SPTLC2: variants seen among roughly 807,000 people sequenced by gnomAD.
The protein encoded by SPTLC2 is serine palmitoyltransferase 2.
In SPTLC2, 21 loss-of-function variants were observed where a neutral mutation model predicts 62.0. That is an observed-to-expected ratio of 0.34 (90% CI 0.24 to 0.49). The LOEUF is 0.49. Ranked by LOEUF, SPTLC2 falls within the 20% of genes least tolerant of loss-of-function variation. The probability of loss-of-function intolerance (pLI) is 0.99; values close to 1 mark genes in which losing one functional copy is unlikely to be tolerated. For missense variants in SPTLC2, 511 were observed against 713.0 expected, an observed-to-expected ratio of 0.72 and a Z score of 3.23; for synonymous variants, 261 against 261.8, an observed-to-expected ratio of 1.00 and a Z score of 0.03.
At chr14:77,548,486 A>AT (rs1163132246) in intron 9 of SPTLC2, among the ~76,000 whole-genome samples, 2 of 152,254 alleles carry the variant, frequency 1.3e-5, no homozygotes, top group Non-Finnish European at 2.9e-5. Flanking sequence ...CTACAGCTAA[A>AT]TTTCCATTAG....
intron 1 of SPTLC2, among the ~76,000 whole-genome samples, chr14:77,610,550 T>C (rs1471846979): frequency 1.3e-5 from 2 of 152,164 alleles, no homozygotes; most frequent in Non-Finnish European, 2.9e-5. Flanking sequence ...CTTCCCTTAG[T>C]GCTGGGATTA....
At chr14:77,523,457 G>A (rs905877398) in intron 9 of SPTLC2, among the ~76,000 whole-genome samples, 24 of 152,216 alleles carry the variant, frequency 1.6e-4, no homozygotes, top group Admixed American at 5.9e-4. Flanking sequence ...AGAATTTGTT[G>A]GGCAGTGTAC....
At chr14:77,564,251 A>AAAAAGGAGGAGG (rs1183067072) in intron 5 of SPTLC2, among the ~76,000 whole-genome samples, 3 of 147,932 alleles carry the variant, frequency 2.0e-5, no homozygotes, top group Non-Finnish European at 4.5e-5. Flanking sequence ...AAAAAAAAAA[A>AAAAAGGAGGAGG]AGGAGGAGGA....
chr14:77,595,563 A>G (rs1379267630), intron 2 of SPTLC2, among the ~76,000 whole-genome samples: 1 of 152,094 alleles, frequency 6.6e-6, no homozygotes, highest in African/African-American at 2.4e-5. Context: ...GGAGTACAAG[A>G]TGGTTGAGAT....
rs1353730444 is a variant in SPTLC2, at chr14:77,562,437, G to A, written c.809C>T (p.Ala270Val). 4.3e-6 allele frequency: 7 copies of A among 1,614,120 alleles called. No homozygotes were observed. The highest frequency in any genetic ancestry group is 5.9e-6 in the Non-Finnish European group (7 of 1,180,004). The change falls in exon 6 of 12, where the codon GCC becomes GTC. Residue 270 changes from alanine to valine, a missense_variant. Physicochemically the swap from Ala to Val is moderately conservative, Grantham distance 64 (BLOSUM62 0). Coordinates refer to ENST00000216484, the MANE Select transcript of SPTLC2 (RefSeq NM_004863.4). ...TCTAATGGTTGCTCCTGACAGTCTG[G>A]CTCCCAGAACCAGTGATGCATGATT... ...ELNHASLVLG[A>V]RLSGATIRIF... is the part of the protein sequence containing the mutation.
intron 8 of SPTLC2, among the ~76,000 whole-genome samples, chr14:77,553,609 T>C (rs1276821081): frequency 6.6e-6 from 1 of 151,212 alleles, no homozygotes; most frequent in African/African-American, 2.4e-5. Flanking sequence ...CACGTGCCTG[T>C]AGTCCCAGCT....
At chr14:77,598,637 T>A (rs1405888893) in intron 1 of SPTLC2, among the ~76,000 whole-genome samples, 1 of 152,156 alleles carries the variant, frequency 6.6e-6, no homozygotes, top group African/African-American at 2.4e-5. Context: ...GATGTTTATA[T>A]AAGTGTGGTC....
intron 2 of SPTLC2, among the ~76,000 whole-genome samples, chr14:77,585,912 G>C (rs748621473): frequency 3.8e-4 from 58 of 152,022 alleles, no homozygotes; most frequent in Non-Finnish European, 7.8e-4. Flanking sequence ...AACTCAAAAG[G>C]AGCATAGCCC....
intron 2 of SPTLC2, among the ~76,000 whole-genome samples, chr14:77,582,787 A>T (rs1288459330): frequency 6.6e-6 from 1 of 152,226 alleles, no homozygotes; most frequent in Non-Finnish European, 1.5e-5. Context: ...TAGGGACCAA[A>T]AGCGGGTGGC....
intron 9 of SPTLC2, among the ~76,000 whole-genome samples, chr14:77,531,499 T>TCCC (rs1474041481): frequency 1.2e-5 from 1 of 82,412 alleles, no homozygotes; most frequent in Non-Finnish European, 2.2e-5. Flanking sequence ...CTCCTCCTCC[T>TCCC]CCTCCTCCTC....
At chr14:77,595,080 T>C (rs1173436098) in intron 2 of SPTLC2, among the ~76,000 whole-genome samples, 1 of 152,082 alleles carries the variant, frequency 6.6e-6, no homozygotes, top group African/African-American at 2.4e-5. Flanking sequence ...ATTAAAAATG[T>C]GGGCCAGGCA....
intron 4 of SPTLC2, among the ~76,000 whole-genome samples, chr14:77,574,884 T>C (rs1435584631): frequency 6.6e-6 from 1 of 152,190 alleles, no homozygotes; most frequent in Admixed American, 6.5e-5. Flanking sequence ...GAGTATAGCA[T>C]TTCTTTTAGG....
chr14:77,518,758 C>T (rs1461034345), intron 10 of SPTLC2, among the ~76,000 whole-genome samples: 4 of 152,196 alleles, frequency 2.6e-5, no homozygotes, highest in African/African-American at 4.8e-5. Context: ...TGCTGTAACA[C>T]GGCACATCTT....
At chr14:77,600,353 G>A (rs919972037) in intron 1 of SPTLC2, among the ~76,000 whole-genome samples, 8 of 152,174 alleles carry the variant, frequency 5.3e-5, no homozygotes, top group Admixed American at 5.2e-4. Context: ...AAAACAGAGT[G>A]ACTGATGATA....
At chr14:77,604,190 C>T (rs1368795812) in intron 1 of SPTLC2, among the ~76,000 whole-genome samples, 2 of 152,214 alleles carry the variant, frequency 1.3e-5, no homozygotes, top group Admixed American at 1.3e-4. Context: ...ACAGACACCT[C>T]TGCCGAAAGA....
At chr14:77,578,851 G>T in intron 3 of SPTLC2, 104 bp downstream of exon 3, 1 of 1,230,272 alleles carries the variant, frequency 8.1e-7, no homozygotes, top group Non-Finnish European at 1.2e-6. Flanking sequence ...ATCCTCAGCT[G>T]CTACTCCTAT....
chr14:77,573,098 T>C (rs903412613), intron 4 of SPTLC2, among the ~76,000 whole-genome samples: 1 of 152,216 alleles, frequency 6.6e-6, no homozygotes, highest in African/African-American at 2.4e-5. Context: ...TTTTGGCCTA[T>C]GTCAGCTTTT....
chr14:77,604,460 T>G (rs1350709621), intron 1 of SPTLC2, among the ~76,000 whole-genome samples: 1 of 152,226 alleles, frequency 6.6e-6, no homozygotes, highest in African/African-American at 2.4e-5. Flanking sequence ...CTAAAACAGT[T>G]AACAGATAAT....
At chr14:77,580,566 A>T (rs2093248263) in intron 2 of SPTLC2, among the ~76,000 whole-genome samples, 1 of 151,304 alleles carries the variant, frequency 6.6e-6, no homozygotes, top group African/African-American at 2.4e-5. Context: ...AAAAAAAAAA[A>T]AAAAAAAGAG....
Sources: gnomAD v4.1 joint callset for allele counts (sites outside exome capture counted in the v4.1 genomes callset) on GRCh38, gnomAD v4.1.1 for gene constraint, MANE v1.5 for transcripts, NCBI Gene and HGNC (gene_info 2026-07-23, HGNC 2026-07-21) for gene names.